The following PRSS58 variants were observed in gnomAD, a reference collection of about 807,000 sequenced individuals.
The protein encoded by PRSS58 is serine protease 58.
In PRSS58, 31 loss-of-function variants were observed where a neutral mutation model predicts 25.0. The ratio of observed to expected loss-of-function variants is 1.24; its 90% CI spans 0.93 to 1.67. The LOEUF (loss-of-function observed/expected upper bound fraction) is 1.67, where lower values mean the gene tolerates loss of function less well. PRSS58 is among the 40% of genes most tolerant of loss of function. The pLI, the probability that PRSS58 is intolerant of heterozygous loss-of-function variation, is 0.00. For missense variants in PRSS58, 324 were observed against 287.9 expected (o/e 1.13, Z -0.91); for synonymous variants, 119 against 106.1 (o/e 1.12, Z -0.75).
intron 4 of PRSS58, among the ~76,000 whole-genome samples, chr7:142,253,771 C>A (rs964230315): frequency 1.4e-5 from 2 of 147,706 alleles, no homozygotes; most frequent in African/African-American, 5.2e-5. Flanking sequence ...TGACCCAGAT[C>A]AAAATAAGAT....
intron 3 of PRSS58, 98 bp from the exon 4 acceptor site, chr7:142,255,409 C>G: frequency 1.3e-6 from 2 of 1,573,026 alleles, no homozygotes; most frequent in Non-Finnish European, 1.7e-6. Flanking sequence ...TTTTCTGTAC[C>G]CTCGTATGTC....
In PRSS58 at chr7:142,255,149, A is replaced by C. The variant is rs140948598; in HGVS notation, c.342T>G (p.Asn114Lys). The C allele has an allele frequency of 7.4e-6, 12 of 1,614,108 alleles. No individual in the cohort carries two copies. In the South Asian group the frequency reaches 1.1e-4, roughly 15 times the overall value. Residue 114 changes from asparagine to lysine, a missense_variant, in exon 4 of 6, where the codon AAT becomes AAG. Coordinates refer to ENST00000547058, the MANE Select transcript of PRSS58 (RefSeq NM_001001317.5). ...LIKLKTEAELNDYVKLANLPY... is the reference protein window; with the variant it reads ...LIKLKTEAELKDYVKLANLPY... Reference sequence around the variant, plus strand: ...GCAGGTTGGCTAATTTCACATAGTCATTGAGTTCAGCCTCTGTTTTCAGCT... The same window carrying C: ...GCAGGTTGGCTAATTTCACATAGTCCTTGAGTTCAGCCTCTGTTTTCAGCT...
intron 2 of PRSS58, among the ~76,000 whole-genome samples, chr7:142,257,174 A>C (rs1283533698): frequency 6.6e-6 from 1 of 152,198 alleles, no homozygotes; most frequent in African/African-American, 2.4e-5. Context: ...GTGGTGGCTT[A>C]GATCATTGTG....
Position 142,252,184 on chromosome 7 carries a change from G to T in PRSS58, c.*37C>A, listed in dbSNP as rs576669566. 2 of 1,578,622 alleles carry T rather than the reference G, an allele frequency of 1.3e-6. No homozygotes were observed. Among genetic ancestry groups the T allele is most frequent in the Admixed American group, 3.7e-5 (2 of 54,494 alleles). ...ATTTAATTCTAAAGGTGAACGATGG[G>T]GACAAGCTGTGTCATATGGTCCACA... On this transcript the variant is annotated 3_prime_UTR_variant, in exon 6 of 6. Transcript: ENST00000547058.
At chr7:142,252,726 G>T in intron 4 of PRSS58, 115 bp from the exon 5 acceptor site, 1 of 1,166,666 alleles carries the variant, frequency 8.6e-7, no homozygotes, top group Non-Finnish European at 1.2e-6. Flanking sequence ...AACATTCAGA[G>T]AAGTCAGAAC....
At chr7:142,256,429 G>T (rs1410760330) in intron 2 of PRSS58, among the ~76,000 whole-genome samples, 1 of 152,004 alleles carries the variant, frequency 6.6e-6, no homozygotes, top group Non-Finnish European at 1.5e-5. Flanking sequence ...ATTACCAATT[G>T]TGTGTTGGGG....
chr7:142,255,044 C>T lies in PRSS58; in HGVS notation c.436+11G>A. ...TCTAATTCTGAGAGAAGAACATTGTCTTGAACTCACAGATATCACACACAT... is the reference window on the plus strand; with the variant it reads ...TCTAATTCTGAGAGAAGAACATTGTTTTGAACTCACAGATATCACACACAT... On this transcript the variant is annotated intron_variant, in intron 4 of 5. Transcript: ENST00000547058. 1 of 1,613,050 alleles carries T rather than the reference C, an allele frequency of 6.2e-7. No individual in the cohort carries two copies. The highest frequency in any genetic ancestry group is 2.2e-5 in the East Asian group (1 of 44,860).
At chr7:142,253,265 A>C (rs930167573) in intron 4 of PRSS58, among the ~76,000 whole-genome samples, 2 of 152,200 alleles carry the variant, frequency 1.3e-5, no homozygotes, top group African/African-American at 4.8e-5. Context: ...GAATGAATTT[A>C]CAGATATCTG....
intron 4 of PRSS58, among the ~76,000 whole-genome samples, chr7:142,254,690 T>C (rs893641621): frequency 6.6e-6 from 1 of 152,204 alleles, no homozygotes. Flanking sequence ...TTCAAGTTGC[T>C]TTATTGCCTG....
chr7:142,255,415 A>G, intron 3 of PRSS58, 104 bp from the exon 4 acceptor site: 2 of 1,579,916 alleles, frequency 1.3e-6, no homozygotes, highest in Non-Finnish European at 1.7e-6. Flanking sequence ...GTACCCTCGT[A>G]TGTCTCCCAA....
At position 142,252,384 on chromosome 7, in the gene PRSS58, A is replaced by G. The variant is rs1563316383; in HGVS notation, c.577-14T>C. 6.2e-7 allele frequency: 1 copy of G among 1,611,282 alleles called. No individual in the cohort carries two copies. Among genetic ancestry groups the G allele is most frequent in the Non-Finnish European group, 8.5e-7 (1 of 1,179,260 alleles). Reference sequence around the variant, plus strand: ...AGCAGAAACTTCCTGCCAGGAAAACAATAATAACAACAACAAAAAAGCAGA... The same window carrying G: ...AGCAGAAACTTCCTGCCAGGAAAACGATAATAACAACAACAAAAAAGCAGA... On this transcript the variant is annotated splice_polypyrimidine_tract_variant and intron_variant, in intron 5 of 5. Coordinates refer to ENST00000547058, the MANE Select transcript of PRSS58 (RefSeq NM_001001317.5).
At chr7:142,256,066 A>G (rs1356592472) in intron 2 of PRSS58, among the ~76,000 whole-genome samples, 2 of 152,154 alleles carry the variant, frequency 1.3e-5, no homozygotes, top group African/African-American at 2.4e-5. Context: ...TTTTCCCAAC[A>G]ACAACTCAAG....
At position 142,256,882 on chromosome 7, in the gene PRSS58, C is replaced by A. The variant is rs1164661523; in HGVS notation, c.40+786G>T. Among the ~76,000 whole-genome samples, 6 of 152,054 alleles carry A rather than the reference C, an allele frequency of 3.9e-5. No homozygotes were observed. The East Asian group carries it at 1.2e-3, about 29-fold the overall frequency. On this transcript the variant is annotated intron_variant, in intron 2 of 5. Transcript: ENST00000547058. ...AAGGGACTCCAGGCAGAGGCAACAG[C>A]TGCAGCATGGGTCCTGAGGCTTGTG...
At chr7:142,255,375 T>C in intron 3 of PRSS58, 64 bp from the exon 4 acceptor site, 1 of 1,585,098 alleles carries the variant, frequency 6.3e-7, no homozygotes, top group Non-Finnish European at 8.6e-7. Flanking sequence ...ATTATGAGCC[T>C]CTATTATCCC....
chr7:142,257,860 C>T, intron 1 of PRSS58, 112 bp from the exon 2 acceptor site: 1 of 668,038 alleles, frequency 1.5e-6, no homozygotes, highest in Non-Finnish European at 2.6e-6. Context: ...AAATGGTGTC[C>T]ATTATTCAGA....
At chr7:142,255,397 C>G (rs1435496534) in intron 3 of PRSS58, 86 bp from the exon 4 acceptor site, 5 of 1,575,130 alleles carry the variant, frequency 3.2e-6, no homozygotes, top group Non-Finnish European at 4.3e-6. Flanking sequence ...CCCCACAGAC[C>G]TTTTTCTGTA....
At chr7:142,256,565 C>A (rs976126696) in intron 2 of PRSS58, among the ~76,000 whole-genome samples, 4 of 152,152 alleles carry the variant, frequency 2.6e-5, no homozygotes, top group East Asian at 3.9e-4. Context: ...TGGGCTCAAG[C>A]AAACCCTCCT....
At chr7:142,257,640 G>C (rs202026660) in intron 2 of PRSS58, 28 bp downstream of exon 2, 3 of 1,586,364 alleles carry the variant, frequency 1.9e-6, no homozygotes, top group Admixed American at 3.4e-5. Flanking sequence ...TCTTTGGTGG[G>C]TAAAGAGACA....
chr7:142,254,024 T>C (rs10480331), intron 4 of PRSS58, among the ~76,000 whole-genome samples: 108,316 of 151,950 alleles, frequency 0.71, 39,395 homozygotes, highest in East Asian at 0.99. Context: ...TACATCTGCC[T>C]GTTGGTTTCT....
Sources: allele counts gnomAD v4.1 joint callset (sites outside exome capture counted in the v4.1 genomes callset), GRCh38; gene constraint gnomAD v4.1.1; transcripts MANE v1.5; gene names NCBI Gene and HGNC (gene_info 2026-07-23, HGNC 2026-07-21).